CUX1: variants seen among roughly 807,000 people sequenced by gnomAD.
CUX1 encodes the protein cut like homeobox 1, also known as protein CASP.
In CUX1, 31 loss-of-function variants were observed where a neutral mutation model predicts 158.8. The ratio of observed to expected loss-of-function variants is 0.20; its 90% CI spans 0.15 to 0.26. CUX1 has a LOEUF of 0.26. CUX1 is among the 10% of genes least tolerant of loss of function. The pLI is 1.00. For synonymous variants in CUX1, 879 were observed against 862.1 expected (o/e 1.02, Z -0.34); for missense variants, 1,589 against 2,014.6 (o/e 0.79, Z 4.04).
chr7:102,126,756 G>T (rs1387901866), intron 8 of CUX1, among the ~76,000 whole-genome samples: 2 of 152,144 alleles, frequency 1.3e-5, no homozygotes, highest in African/African-American at 4.8e-5. Context: ...GCAGTGGGGG[G>T]CGCGGTTCAG....
At chr7:102,272,438 C>A (rs542223709) in intron 14 of CUX1, among the ~76,000 whole-genome samples, 1 of 152,254 alleles carries the variant, frequency 6.6e-6, no homozygotes, top group East Asian at 1.9e-4. Context: ...CAAAGGACAG[C>A]GTCCTGGGTC....
chr7:101,981,903 C>T (rs1307387235), intron 2 of CUX1, among the ~76,000 whole-genome samples: 2 of 152,290 alleles, frequency 1.3e-5, no homozygotes, highest in Non-Finnish European at 2.9e-5. Flanking sequence ...AGCCACCGCA[C>T]CTGGCCAGGT....
At chr7:101,973,243 T>C (rs1226990522) in intron 2 of CUX1, among the ~76,000 whole-genome samples, 1 of 152,126 alleles carries the variant, frequency 6.6e-6, no homozygotes, top group East Asian at 1.9e-4. Flanking sequence ...CTCCCAGCCC[T>C]TCCTTGCTCA....
intron 2 of CUX1, among the ~76,000 whole-genome samples, chr7:101,937,302 T>G (rs920176415): frequency 2.0e-5 from 3 of 152,256 alleles, no homozygotes; most frequent in Middle Eastern, 3.4e-3. Flanking sequence ...CATCAATGTT[T>G]AGACCTAAAA....
At chr7:102,079,088 T>C (rs1447546473) in intron 4 of CUX1, among the ~76,000 whole-genome samples, 2 of 152,206 alleles carry the variant, frequency 1.3e-5, no homozygotes, top group Non-Finnish European at 2.9e-5. Flanking sequence ...TTATACTTCT[T>C]TCTCCACTGC....
intron 8 of CUX1, among the ~76,000 whole-genome samples, chr7:102,140,726 G>A (rs568634778): frequency 3.9e-5 from 6 of 152,054 alleles, no homozygotes; most frequent in Middle Eastern, 3.4e-3. Context: ...TTAGCTGAGC[G>A]TGGTGGTGCA....
At chr7:101,995,641 A>G (rs578179472) in intron 2 of CUX1, among the ~76,000 whole-genome samples, 47 of 152,340 alleles carry the variant, frequency 3.1e-4, no homozygotes, top group African/African-American at 1.0e-3. Flanking sequence ...GTTGTCAAGA[A>G]TTAGAGTTAC....
chr7:101,938,720 A>G (rs894917089), intron 2 of CUX1, among the ~76,000 whole-genome samples: 4 of 152,096 alleles, frequency 2.6e-5, no homozygotes, highest in Non-Finnish European at 5.9e-5. Flanking sequence ...AGCCTGGCCA[A>G]CATGGCAAAA....
Position 102,195,564 on chromosome 7 carries a change from G to C in CUX1, c.1183G>C (p.Glu395Gln). 6.2e-7 allele frequency: 1 copy of C among 1,612,878 alleles called. No individual in the cohort carries two copies. The highest frequency in any genetic ancestry group is 8.5e-7 in the Non-Finnish European group (1 of 1,179,828). ...LLEKNRSLQS[E>Q]NAALRISNSD... is the part of the protein sequence containing the mutation. Reference sequence around the variant, plus strand: ...GGAGAAGAACCGCTCGCTGCAGTCCGAGAACGCCGCGCTGCGCATCTCCAA... The same window carrying C: ...GGAGAAGAACCGCTCGCTGCAGTCCCAGAACGCCGCGCTGCGCATCTCCAA... The change falls in exon 14 of 24, where the codon GAG becomes CAG. Residue 395 changes from glutamate to glutamine, a missense_variant. Glu to Gln is a conservative substitution (Grantham distance 29, BLOSUM62 2). Transcript: ENST00000292535.
intron 8 of CUX1, among the ~76,000 whole-genome samples, chr7:102,141,934 C>T (rs1017265879): frequency 1.3e-5 from 2 of 151,978 alleles, no homozygotes; most frequent in African/African-American, 4.8e-5. Context: ...AGCCACCATG[C>T]CTGGTCCCAA....
chr7:101,826,394 G>T (rs1793303443), intron 1 of CUX1, among the ~76,000 whole-genome samples: 1 of 151,832 alleles, frequency 6.6e-6, no homozygotes, highest in South Asian at 2.1e-4. Context: ...TAGAGACAGG[G>T]TTTTGCCCTG....
Position 102,083,156 on chromosome 7 carries a change from G to A in CUX1, c.268+12739G>A, listed in dbSNP as rs1045781744. ...GTTGCTCCATGTCTTCTGTTTCATC[G>A]GTTATTTTCTAATTTTAGACATTCC... On this transcript the variant is annotated intron_variant, in intron 4 of 23. Transcript: ENST00000292535. Among the ~76,000 whole-genome samples, 9 of 146,798 alleles carry A rather than the reference G, an allele frequency of 6.1e-5. No homozygotes were observed. The East Asian group carries it at 1.2e-3, about 19-fold the overall frequency.
intron 2 of CUX1, chr7:101,932,615 G>A (rs1240632016): frequency 2.0e-5 from 9 of 455,338 alleles, no homozygotes; most frequent in Middle Eastern, 3.2e-4. Context: ...ATGTGTGCTC[G>A]GGGAAAGGTG....
chr7:102,165,625 A>G (rs1229702237), intron 9 of CUX1, among the ~76,000 whole-genome samples: 3 of 152,136 alleles, frequency 2.0e-5, no homozygotes, highest in African/African-American at 4.8e-5. Context: ...TCAGCCTCCC[A>G]AAGTGCTGGG....
intron 8 of CUX1, among the ~76,000 whole-genome samples, chr7:102,151,893 A>G (rs567998985): frequency 6.6e-6 from 1 of 151,582 alleles, no homozygotes; most frequent in Non-Finnish European, 1.5e-5. Flanking sequence ...CGGCTTTTAA[A>G]AAAGAATACC....
chr7:101,976,900 ATTTTTTTTTTT>A (rs10643207), intron 2 of CUX1, among the ~76,000 whole-genome samples: 101 of 39,460 alleles, frequency 2.6e-3, no homozygotes, highest in African/African-American at 6.3e-3. Flanking sequence ...TCCCTTTCTG[ATTTTTTTTTTT>A]TTTTTTTTTT....
In CUX1 at chr7:101,997,134, C is replaced by T. The variant is rs572611139; in HGVS notation, c.142-30964C>T. Reference sequence around the variant, plus strand: ...CCAAACACAGTCCTTGTCAGCACGCCGATCTGGACCTGAATTGGGCCCTTG... The same window carrying T: ...CCAAACACAGTCCTTGTCAGCACGCTGATCTGGACCTGAATTGGGCCCTTG... On this transcript the variant is annotated intron_variant, in intron 2 of 23. Transcript: ENST00000292535. 6.4e-4 allele frequency among the ~76,000 whole-genome samples: 97 copies of T among 152,212 alleles called. 1 individual carries two copies. The highest frequency in any genetic ancestry group is 2.3e-3 in the African/African-American group (96 of 41,478).
chr7:102,038,631 G>A lies in CUX1; in HGVS notation c.189+10486G>A, dbSNP rs140028588. Among the ~76,000 whole-genome samples, 872 of 152,252 alleles carry A rather than the reference G, an allele frequency of 5.7e-3. 7 individuals carry two copies. Among genetic ancestry groups the A allele is most frequent in the Non-Finnish European group, 8.7e-3 (595 of 68,022 alleles). ...AAAGACTCACCTGTACCTTGACGCG[G>A]CAGTTTCACTCCTAAATATATACGC... On this transcript the variant is annotated intron_variant, in intron 3 of 23. Transcript: ENST00000292535.
rs1010899849 is a variant in CUX1, at chr7:101,908,444, C to G, written c.31-7671C>G. Reference sequence around the variant, plus strand: ...TACGGGCGTGAACCACTGCGCCCAGCCTGTTTTTTGTTTGTTTGTTTGTTT... The same window carrying G: ...TACGGGCGTGAACCACTGCGCCCAGGCTGTTTTTTGTTTGTTTGTTTGTTT... On this transcript the variant is annotated intron_variant, in intron 1 of 23. Coordinates refer to ENST00000292535, the MANE Select transcript of CUX1 (RefSeq NM_181552.4). Among the ~76,000 whole-genome samples the G allele has an allele frequency of 4.0e-5, 5 of 125,490 alleles. No homozygotes were observed. In the Admixed American group the frequency reaches 4.4e-4, roughly 11 times the overall value. 82.3% of individuals were successfully genotyped at this position (125,490 alleles called of 152,430 possible).
Sources: allele counts gnomAD v4.1 joint callset (sites outside exome capture counted in the v4.1 genomes callset), GRCh38; gene constraint gnomAD v4.1.1; transcripts MANE v1.5; gene names NCBI Gene and HGNC (gene_info 2026-07-23, HGNC 2026-07-21).